The following SYBU variants were observed in gnomAD, a reference collection of about 807,000 sequenced individuals.
The protein encoded by SYBU is GOLSYN A protein.
SYBU carries 21 observed loss-of-function variants against 35.9 expected under a neutral mutation model. The observed-to-expected ratio is 0.58, with a 90% CI of 0.41 to 0.84. SYBU has a LOEUF of 0.84. Among genes scored for constraint, SYBU ranks in the 40% least tolerant of loss-of-function variants. The probability of loss-of-function intolerance (pLI) is 0.00; values close to 1 mark genes in which losing one functional copy is unlikely to be tolerated. For missense variants in SYBU, 768 were observed against 848.2 expected (o/e 0.91, Z 1.17); for synonymous variants, 319 against 324.3 (o/e 0.98, Z 0.18).
intron 3 of SYBU, among the ~76,000 whole-genome samples, chr8:109,599,537 C>T (rs1391508542): frequency 6.6e-6 from 1 of 152,162 alleles, no homozygotes; most frequent in Non-Finnish European, 1.5e-5. Context: ...TGAGAAATCA[C>T]TACAACAAAT....
In SYBU at chr8:109,642,712, C is replaced by A. The variant is rs779514470; in HGVS notation, c.229+16G>T. ...ACACGCTTCACGCCTCTGGTGGCCT[C>A]CCGAGGGTACTGTACCTGAGCAGAA... On this transcript the variant is annotated intron_variant, in intron 2 of 6. Transcript: ENST00000276646. The A allele has an allele frequency of 1.3e-6, 2 of 1,559,862 alleles. No individual in the cohort carries two copies. The highest frequency in any genetic ancestry group is 1.7e-6 in the Non-Finnish European group (2 of 1,152,382).
At chr8:109,673,219 C>T (rs1206328517) in intron 1 of SYBU, among the ~76,000 whole-genome samples, 1 of 152,166 alleles carries the variant, frequency 6.6e-6, no homozygotes, top group Non-Finnish European at 1.5e-5. Flanking sequence ...AGTTCCTGAC[C>T]CCCGTGCCTC....
intron 3 of SYBU, among the ~76,000 whole-genome samples, chr8:109,607,395 C>T (rs901383488): frequency 6.6e-6 from 1 of 152,164 alleles, no homozygotes; most frequent in Non-Finnish European, 1.5e-5. Context: ...CATGGGTATT[C>T]CCTTTCCTAA....
intron 1 of SYBU, among the ~76,000 whole-genome samples, chr8:109,675,595 T>C (rs1817158202): frequency 6.6e-6 from 1 of 152,162 alleles, no homozygotes; most frequent in African/African-American, 2.4e-5. Flanking sequence ...CAGGAAGAAT[T>C]TGAATCCTTG....
chr8:109,581,861 T>C (rs1823066773), intron 4 of SYBU, among the ~76,000 whole-genome samples: 1 of 152,124 alleles, frequency 6.6e-6, no homozygotes, highest in African/African-American at 2.4e-5. Context: ...GTTATTTCCT[T>C]TTGAAATCAT....
upstream of SYBU, chr8:109,647,427 A>G (rs1815813494): frequency 6.6e-6 from 1 of 152,106 alleles, no homozygotes; most frequent in Non-Finnish European, 1.5e-5. Context: ...TTCATTTTAG[A>G]CAGCTTCTTC....
chr8:109,603,152 G>A (rs1344059657), intron 3 of SYBU, among the ~76,000 whole-genome samples: 2 of 152,214 alleles, frequency 1.3e-5, no homozygotes, highest in Non-Finnish European at 2.9e-5. Flanking sequence ...TCGAGCTGGG[G>A]CGGAAGCCGA....
At chr8:109,668,571 T>A (rs1041381683) in intron 1 of SYBU, among the ~76,000 whole-genome samples, 4 of 152,022 alleles carry the variant, frequency 2.6e-5, no homozygotes, top group African/African-American at 4.8e-5. Flanking sequence ...GAGTAGGGGG[T>A]AAGGAATGAT....
At position 109,584,350 on chromosome 8, in the gene SYBU, A is replaced by T. The variant is rs1485812750; in HGVS notation, c.530+1710T>A. On this transcript the variant is annotated intron_variant, in intron 4 of 6. Transcript: ENST00000276646. The surrounding 1 kb of genome is among the most constrained non-coding windows in gnomAD (Gnocchi z 4.0). ...TTCTCTTAGTCACTCTGTATTATTG[A>T]CACAACCTTGGAATTTAACCACAAA... 6.6e-6 allele frequency among the ~76,000 whole-genome samples: 1 copy of T among 152,210 alleles called. No individual in the cohort carries two copies. Among genetic ancestry groups the T allele is most frequent in the Non-Finnish European group, 1.5e-5 (1 of 68,046 alleles).
At chr8:109,636,204 A>G (rs887218356) in intron 2 of SYBU, among the ~76,000 whole-genome samples, 2 of 152,188 alleles carry the variant, frequency 1.3e-5, no homozygotes, top group South Asian at 2.1e-4. Flanking sequence ...GCTCATGTTT[A>G]TCTACTACAC....
In SYBU at chr8:109,637,494, C is replaced by T. The variant is rs149545327; in HGVS notation, c.229+5234G>A. On this transcript the variant is annotated intron_variant, in intron 2 of 6. Coordinates refer to ENST00000276646, the MANE Select transcript of SYBU (RefSeq NM_001099754.2). Reference sequence around the variant, plus strand: ...TATAATCTATTTCATTAGGTACATGCTTCTGTGGTGAGGCTGCTAAGCATT... The same window carrying T: ...TATAATCTATTTCATTAGGTACATGTTTCTGTGGTGAGGCTGCTAAGCATT... Among the ~76,000 whole-genome samples the T allele has an allele frequency of 5.2e-4, 79 of 152,290 alleles. No individual in the cohort carries two copies. The East Asian group carries it at 0.014, about 26-fold the overall frequency.
chr8:109,631,094 G>T (rs973464984), intron 2 of SYBU, among the ~76,000 whole-genome samples: 7 of 152,180 alleles, frequency 4.6e-5, no homozygotes, highest in African/African-American at 1.7e-4. Context: ...TCGCCAGGAC[G>T]CATTACGGAG....
At chr8:109,620,766 C>T (rs1182844620) in intron 2 of SYBU, among the ~76,000 whole-genome samples, 1 of 152,134 alleles carries the variant, frequency 6.6e-6, no homozygotes, top group Non-Finnish European at 1.5e-5. Flanking sequence ...TTCTTGGTGG[C>T]TGTTGCTCAG....
At chr8:109,627,685 G>A (rs1025896539) in intron 2 of SYBU, among the ~76,000 whole-genome samples, 3 of 152,232 alleles carry the variant, frequency 2.0e-5, no homozygotes, top group African/African-American at 7.2e-5. Flanking sequence ...AGTTATGTTT[G>A]TTCCAAGAGG....
At chr8:109,617,161 C>T (rs931226592) in intron 3 of SYBU, among the ~76,000 whole-genome samples, 1 of 151,914 alleles carries the variant, frequency 6.6e-6, no homozygotes. Context: ...AAAATAAAAA[C>T]GTATGAAGTA....
intron 2 of SYBU, among the ~76,000 whole-genome samples, chr8:109,619,868 C>A (rs1586851799): frequency 6.6e-6 from 1 of 152,152 alleles, no homozygotes; most frequent in African/African-American, 2.4e-5. Flanking sequence ...CATACACACA[C>A]AACCAAAAAT....
rs1823585464 is a variant in SYBU, at chr8:109,586,092, A to G, written c.498T>C (p.Thr166=). 1 of 1,611,956 alleles carries G rather than the reference A, an allele frequency of 6.2e-7. No homozygotes were observed. The highest frequency in any genetic ancestry group is 1.1e-5 in the South Asian group (1 of 90,274). ...AAGAAGAAGACCGCTTGCTTCCCGC[A>G]GTCGACATATGGACCTCAGGAGCGG... ...SISAPEVHMS[T]AGSKRSSSSR... is the part of the protein sequence containing the mutation. The change falls in exon 4 of 7, where the codon ACT becomes ACC. Residue 166 remains threonine (T), a synonymous_variant. Transcript: ENST00000276646.
In SYBU at chr8:109,636,598, C is replaced by T. The variant is rs117493335; in HGVS notation, c.229+6130G>A. On this transcript the variant is annotated intron_variant, in intron 2 of 6. Transcript: ENST00000276646. The stretch of plus-strand genomic sequence containing the variant: ...ATGTCCTATCACTTCCAGGCCTCAG[C>T]TTCTTTTCTTTCTGCCTCCTTCAGT... 3.2e-3 allele frequency among the ~76,000 whole-genome samples: 487 copies of T among 152,292 alleles called. 6 individuals carry two copies. The East Asian group carries it at 0.04, about 13-fold the overall frequency.
chr8:109,637,376 G>A (rs1814344479), intron 2 of SYBU, among the ~76,000 whole-genome samples: 1 of 152,092 alleles, frequency 6.6e-6, no homozygotes, highest in African/African-American at 2.4e-5. Flanking sequence ...CATTCCTACT[G>A]CTAAGAATTG....
Sources: gnomAD v4.1 joint callset for allele counts (sites outside exome capture counted in the v4.1 genomes callset) on GRCh38, gnomAD v4.1.1 for gene constraint, Gnocchi (gnomAD v3.1) non-coding constraint, MANE v1.5 for transcripts, NCBI Gene and HGNC (gene_info 2026-07-23, HGNC 2026-07-21) for gene names.